Variants in GABRA6 observed in about 807,000 individuals in gnomAD.
The protein encoded by GABRA6 is gamma-aminobutyric acid type A receptor subunit alpha6, also known as gamma-aminobutyric acid receptor subunit alpha-6.
A neutral mutation model predicts 47.3 loss-of-function variants in GABRA6; 45 were observed. The ratio of observed to expected loss-of-function variants is 0.95; its 90% CI spans 0.75 to 1.22. GABRA6 has a LOEUF of 1.22. Ranked by LOEUF, GABRA6 falls within the 50% of genes most tolerant of loss-of-function variation. The pLI is 0.00. For synonymous variants in GABRA6, 219 were observed against 194.7 expected, an observed-to-expected ratio of 1.12 and a Z score of -1.04; for missense variants, 583 against 549.3, an observed-to-expected ratio of 1.06 and a Z score of -0.61.
intron 3 of GABRA6, among the ~76,000 whole-genome samples, chr5:161,687,814 A>C (rs1754727268): frequency 6.6e-6 from 1 of 152,188 alleles, no homozygotes; most frequent in South Asian, 2.1e-4. Flanking sequence ...AAGAAAGGAA[A>C]AAGGAAGGAG....
chr5:161,698,519 A>G (rs1754920659), intron 8 of GABRA6, among the ~76,000 whole-genome samples: 1 of 152,112 alleles, frequency 6.6e-6, no homozygotes, highest in South Asian at 2.1e-4. Context: ...CCTGAGCAAA[A>G]AAATATGTAC....
chr5:161,689,794 A>G lies in GABRA6; in HGVS notation c.673+15A>G, dbSNP rs747671960. ...ATCTAACACAGGTAAGAATTTGACC[A>G]AAGGATGGAAATAATCCCTCAGGAT... On this transcript the variant is annotated intron_variant, in intron 6 of 8. Transcript: ENST00000274545. 2 of 1,608,706 alleles carry G rather than the reference A, an allele frequency of 1.2e-6. No individual in the cohort carries two copies. The highest frequency in any genetic ancestry group is 2.2e-5 in the East Asian group (1 of 44,784).
chr5:161,688,924 A>G (rs373218418), intron 3 of GABRA6, 25 bp from the exon 4 acceptor site: 1 of 1,579,908 alleles, frequency 6.3e-7, no homozygotes, highest in African/African-American at 1.3e-5. Context: ...TTTCCAGCCC[A>G]CACAAATATT....
At chr5:161,701,468 T>G (rs778227851) in intron 8 of GABRA6, 30 bp from the exon 9 acceptor site, 2 of 1,611,284 alleles carry the variant, frequency 1.2e-6, no homozygotes, top group Non-Finnish European at 8.5e-7. Flanking sequence ...ATTCTTTCAT[T>G]TGGGCTTAAT....
intron 7 of GABRA6, 36 bp from the exon 8 acceptor site, chr5:161,691,905 T>TGGC: frequency 6.3e-7 from 1 of 1,596,690 alleles, no homozygotes; most frequent in Non-Finnish European, 8.6e-7. Flanking sequence ...GGATTCCCAG[T>TGGC]ACTAATATTA....
At chr5:161,695,991 G>A (rs1463707033) in intron 8 of GABRA6, among the ~76,000 whole-genome samples, 3 of 152,162 alleles carry the variant, frequency 2.0e-5, no homozygotes, top group Middle Eastern at 3.2e-3. Context: ...AGCAGGAAGT[G>A]AGAGAGATCA....
intron 8 of GABRA6, among the ~76,000 whole-genome samples, chr5:161,695,412 A>G (rs1036157413): frequency 6.6e-6 from 1 of 151,936 alleles, no homozygotes; most frequent in Middle Eastern, 3.2e-3. Flanking sequence ...TTTCCCGCTT[A>G]TATGGTGATT....
intron 8 of GABRA6, among the ~76,000 whole-genome samples, chr5:161,698,418 C>G (rs1002443890): frequency 6.6e-6 from 1 of 151,782 alleles, no homozygotes; most frequent in South Asian, 2.1e-4. Flanking sequence ...GATGTTATTT[C>G]AGACAAAGAA....
rs3219151 is a variant in GABRA6 at position 161,701,908 on chromosome 5, C to T, written c.*135C>T. The T allele has an allele frequency of 0.53, 496,723 of 938,038 alleles. 134,921 individuals carry two copies. Among genetic ancestry groups the T allele is most frequent in the Non-Finnish European group, 0.57 (345,881 of 604,138 alleles). 58.1% of individuals were successfully genotyped at this position (938,038 alleles called of 1,614,324 possible). A position where few individuals can be genotyped will look rare whatever the true frequency, so the allele number is the denominator to read the frequency against. On this transcript the variant is annotated 3_prime_UTR_variant, in exon 9 of 9. Transcript: ENST00000274545. ...AATTGGAAATCTGTAACGCAGCTTC[C>T]GTAAGCATGTGTGGGCAAAAAAGCA...
intron 1 of GABRA6, 68 bp downstream of exon 1, chr5:161,686,095 G>A: frequency 6.7e-7 from 1 of 1,482,038 alleles, no homozygotes; most frequent in Non-Finnish European, 9.4e-7. Context: ...ACATCCATTG[G>A]GTGACTCCTA....
Position 161,688,816 on chromosome 5 carries a change from G to A in GABRA6, c.226-133G>A, listed in dbSNP as rs181625614. On this transcript the variant is annotated intron_variant, in intron 3 of 8. Transcript: ENST00000274545. ...ACAATAATAACTAGCTAAAATTATA[G>A]CTTTGTGAGAAATTATTGCGATAAA... The A allele has an allele frequency of 2.6e-4, 197 of 751,658 alleles. 1 individual carries two copies. The African/African-American group carries it at 3.1e-3, about 12-fold the overall frequency. 46.6% of individuals were successfully genotyped at this position (751,658 alleles called of 1,614,324 possible). A position where few individuals can be genotyped will look rare whatever the true frequency, so the allele number is the denominator to read the frequency against.
At position 161,692,092 on chromosome 5, in the gene GABRA6, C is replaced by G; in HGVS notation, c.978C>G (p.Tyr326Ter). 6.2e-7 allele frequency: 1 copy of G among 1,614,130 alleles called. No homozygotes were observed. The highest frequency in any genetic ancestry group is 8.5e-7 in the Non-Finnish European group (1 of 1,179,990). Residue 326 changes from tyrosine (Y) to a stop codon, truncating the protein, a stop_gained, in exon 8 of 9, where the codon TAC (tyrosine) becomes TAG (stop). Transcript: ENST00000274545. LOFTEE classifies it high-confidence loss of function. ...TTATCGAGTTCGCAGCTGTCAACTA[C>G]TTTACCAATCTTCAGACACAGAAGG... ...SALIEFAAVNYFTNLQTQKAK... is the reference protein window; with the variant it reads ...SALIEFAAVN
chr5:161,686,692 G>A (rs147449483), intron 2 of GABRA6, among the ~76,000 whole-genome samples: 3 of 152,208 alleles, frequency 2.0e-5, no homozygotes, highest in African/African-American at 4.8e-5. Context: ...TATCATTTTC[G>A]TTAGAACGAA....
intron 1 of GABRA6, 33 bp from the exon 2 acceptor site, chr5:161,686,197 T>A (rs914745007): frequency 1.3e-6 from 2 of 1,533,506 alleles, no homozygotes; most frequent in Admixed American, 3.3e-5. Context: ...TCTCTGAGCC[T>A]GGGAGTAAGG....
rs1187740398 is a variant in GABRA6 at position 161,686,452 on chromosome 5, A to C, written c.157+104A>C. 5.8e-6 allele frequency: 5 copies of C among 862,248 alleles called. No homozygotes were observed. In the African/African-American group the frequency reaches 8.2e-5, roughly 14 times the overall value. 53.4% of individuals were successfully genotyped at this position (862,248 alleles called of 1,614,324 possible). The stretch of plus-strand genomic sequence containing the variant: ...CAGAAACTAGGTAGTGGGAAGGGGC[A>C]GGGTACGGGAGAGAGACCATGGGTA... On this transcript the variant is annotated intron_variant, in intron 2 of 8. Coordinates refer to ENST00000274545, the MANE Select transcript of GABRA6 (RefSeq NM_000811.3).
Position 161,686,397 on chromosome 5 carries a change from C to G in GABRA6, c.157+49C>G, listed in dbSNP as rs59181402. The G allele has an allele frequency of 1.5e-5, 21 of 1,412,066 alleles. No homozygotes were observed. In the Admixed American group the frequency reaches 3.5e-4, roughly 24 times the overall value. 87.5% of individuals were successfully genotyped at this position (1,412,066 alleles called of 1,614,324 possible). ...ACAAACACCTGTAGTTTCCTTCCTC[C>G]GTTTCTGCCCTTTGAAGACCCAGAA... On this transcript the variant is annotated intron_variant, in intron 2 of 8. Transcript: ENST00000274545.
chr5:161,698,171 G>A (rs1754917090), intron 8 of GABRA6, among the ~76,000 whole-genome samples: 1 of 152,116 alleles, frequency 6.6e-6, no homozygotes, highest in African/African-American at 2.4e-5. Context: ...GCTAGGCACT[G>A]TGGAATGCTC....
intron 7 of GABRA6, among the ~76,000 whole-genome samples, chr5:161,690,723 C>T (rs1754775335): frequency 6.6e-6 from 1 of 152,052 alleles, no homozygotes; most frequent in South Asian, 2.1e-4. Context: ...TTGTATACCC[C>T]TTTTATTAGG....
chr5:161,695,408 G>A (rs937001002), intron 8 of GABRA6, among the ~76,000 whole-genome samples: 3 of 151,526 alleles, frequency 2.0e-5, no homozygotes, highest in Non-Finnish European at 4.4e-5. Context: ...TGTTTTTCCC[G>A]CTTATATGGT....
Sources: gnomAD v4.1 joint callset for allele counts (sites outside exome capture counted in the v4.1 genomes callset) on GRCh38, gnomAD v4.1.1 for gene constraint, MANE v1.5 for transcripts, NCBI Gene and HGNC (gene_info 2026-07-23, HGNC 2026-07-21) for gene names.